The following DYRK4 variants were observed in gnomAD, a reference collection of about 807,000 sequenced individuals.
The protein encoded by DYRK4 is dual specificity tyrosine phosphorylation regulated kinase 4.
Under a neutral mutation model 68.3 loss-of-function variants are expected in DYRK4, and 64 were observed. The observed-to-expected ratio is 0.94, with a 90% CI of 0.77 to 1.15. The LOEUF (loss-of-function observed/expected upper bound fraction) is 1.15. DYRK4 is among the 50% of genes most tolerant of loss of function. The pLI, the probability that DYRK4 is intolerant of heterozygous loss-of-function variation, is 0.00. For missense variants in DYRK4, 740 were observed against 764.7 expected (o/e 0.97, Z 0.38); for synonymous variants, 274 against 289.9 (o/e 0.95, Z 0.56).
intron 12 of DYRK4, among the ~76,000 whole-genome samples, 170 bp downstream of exon 12, chr12:4,607,557 T>C (rs1299342536): frequency 6.6e-6 from 1 of 152,110 alleles, no homozygotes; most frequent in Non-Finnish European, 1.5e-5. Flanking sequence ...ATGTTGGAGA[T>C]GGGATGGGGG....
chr12:4,599,655 G>A, intron 9 of DYRK4, 52 bp from the exon 10 acceptor site: 1 of 1,412,094 alleles, frequency 7.1e-7, no homozygotes, highest in Non-Finnish European at 9.9e-7. Flanking sequence ...GGTAAGTAGA[G>A]GGCCTAGGGC....
chr12:4,570,466 A>G (rs1037151438), intron 2 of DYRK4, among the ~76,000 whole-genome samples: 1 of 152,206 alleles, frequency 6.6e-6, no homozygotes, highest in Non-Finnish European at 1.5e-5. Context: ...TAATAGGTTT[A>G]AGTAAGGAAA....
intron 7 of DYRK4, 115 bp from the exon 8 acceptor site, chr12:4,596,474 T>C: frequency 6.7e-7 from 1 of 1,502,458 alleles, no homozygotes; most frequent in African/African-American, 1.4e-5. Context: ...TAGTGCTTCC[T>C]GCCACTAGAC....
At chr12:4,577,219 A>G (rs1374548657) in intron 2 of DYRK4, among the ~76,000 whole-genome samples, 1 of 151,814 alleles carries the variant, frequency 6.6e-6, no homozygotes, top group Non-Finnish European at 1.5e-5. Flanking sequence ...TTTTTTGTGG[A>G]TGTCCAATTG....
rs547900063 is a variant in DYRK4, at chr12:4,610,285, G to A, written c.1490+1G>A. On this transcript the variant is annotated splice_donor_variant, in intron 13 of 14. Transcript: ENST00000543431. LOFTEE classifies it high-confidence loss of function. ...TGGACTTTCTCAGAAGGTGTTTGGT[G>A]TGAGTTTGTTGGGACATCTCTGCTT... 1.9e-6 allele frequency: 3 copies of A among 1,556,820 alleles called. No homozygotes were observed. The South Asian group carries it at 3.7e-5, about 19-fold the overall frequency.
chr12:4,589,633 T>A (rs1378549671), intron 3 of DYRK4, among the ~76,000 whole-genome samples: 1 of 152,260 alleles, frequency 6.6e-6, no homozygotes. Flanking sequence ...TCTAGTTCTA[T>A]CCATATTCTT....
chr12:4,602,980 T>C (rs911952870), intron 10 of DYRK4: 21 of 895,276 alleles, frequency 2.3e-5, no homozygotes, highest in Non-Finnish European at 3.5e-5. Context: ...TTCACTCCCT[T>C]TTATCATTCA....
Position 4,596,697 on chromosome 12 carries a change from C to T in DYRK4, c.873C>T (p.Arg291=), listed in dbSNP as rs1388621793. The T allele has an allele frequency of 6.2e-7, 1 of 1,614,186 alleles. No homozygotes were observed. The highest frequency in any genetic ancestry group is 1.3e-5 in the African/African-American group (1 of 75,054). Residue 291 remains arginine, a synonymous_variant, in exon 8 of 15, where the codon CGC becomes CGT. Coordinates refer to ENST00000543431, the MANE Select transcript of DYRK4 (RefSeq NM_001394779.1). ...VVHMKDFFYF[R]NHFCITFELL... is the part of the protein sequence containing the mutation. The stretch of plus-strand genomic sequence containing the variant: ...ATATGAAGGACTTTTTCTACTTTCG[C>T]AATCACTTCTGCATCACCTTTGAGC...
At chr12:4,563,057 G>A in intron 1 of DYRK4, 1 of 456,066 alleles carries the variant, frequency 2.2e-6, no homozygotes, top group South Asian at 1.5e-5. Context: ...CACTGTCCAG[G>A]CTTAAGTGGA....
intron 2 of DYRK4, among the ~76,000 whole-genome samples, chr12:4,586,635 G>A (rs866481931): frequency 5.9e-5 from 9 of 151,944 alleles, no homozygotes; most frequent in African/African-American, 2.2e-4. Flanking sequence ...GTACAAGTGT[G>A]CAGAGATGTA....
At chr12:4,563,302 G>GA (rs1194305052) in intron 1 of DYRK4, 1 of 379,358 alleles carries the variant, frequency 2.6e-6, no homozygotes, top group Non-Finnish European at 5.3e-6. Context: ...AGGTAAATCG[G>GA]AAGGGACTCT....
At chr12:4,581,413 A>C (rs1208225368) in intron 2 of DYRK4, among the ~76,000 whole-genome samples, 1 of 152,176 alleles carries the variant, frequency 6.6e-6, no homozygotes, top group Admixed American at 6.5e-5. Context: ...GTAGCAATTC[A>C]TTTATTTGGA....
At chr12:4,578,190 G>A (rs1458047280) in intron 2 of DYRK4, among the ~76,000 whole-genome samples, 2 of 152,026 alleles carry the variant, frequency 1.3e-5, no homozygotes. Context: ...AATACTTCTA[G>A]CCATTTTGTC....
intron 12 of DYRK4, among the ~76,000 whole-genome samples, chr12:4,609,258 C>T (rs946456409): frequency 6.6e-6 from 1 of 152,174 alleles, no homozygotes; most frequent in African/African-American, 2.4e-5. Flanking sequence ...CAGTGTTTTC[C>T]AAACTCTATC....
chr12:4,564,729 T>G (rs1203469270), intron 1 of DYRK4, among the ~76,000 whole-genome samples: 1 of 152,234 alleles, frequency 6.6e-6, no homozygotes, highest in African/African-American at 2.4e-5. Context: ...CTGGAATTTT[T>G]TGATGAATTA....
rs201060830 is a variant in DYRK4 at position 4,604,925 on chromosome 12, A to T, written c.1138A>T (p.Ile380Phe). The change falls in exon 11 of 15, where the codon ATC (isoleucine) becomes TTC (phenylalanine). Residue 380 changes from isoleucine to phenylalanine, a missense_variant. By Grantham distance (21) the Ile-to-Phe change is conservative (BLOSUM62 0). This residue lies in a region of DYRK4 where 614 missense variants were observed against 603.7 expected (regional missense o/e 1.02). Transcript: ENST00000543431. ...CYEHQKVYTY[I>F]QSRFYRSPEV... The stretch of plus-strand genomic sequence containing the variant: ...CTTTGCCTCCGCAGTATACACGTAC[A>T]TCCAAAGCCGGTTCTACCGATCCCC... The T allele has an allele frequency of 1.8e-5, 29 of 1,609,012 alleles. No individual in the cohort carries two copies. In the East Asian group the frequency reaches 5.6e-4, roughly 31 times the overall value.
intron 2 of DYRK4, among the ~76,000 whole-genome samples, chr12:4,583,555 C>T (rs1038905154): frequency 1.3e-5 from 2 of 151,856 alleles, no homozygotes; most frequent in Non-Finnish European, 2.9e-5. Flanking sequence ...CCACCACGCC[C>T]GACTAATTTT....
chr12:4,562,240 G>C lies in DYRK4; in HGVS notation c.-6G>C, dbSNP rs922208677. The C allele has an allele frequency of 2.4e-5, 36 of 1,529,364 alleles. No individual in the cohort carries two copies. Among genetic ancestry groups the C allele is most frequent in the East Asian group, 5.0e-5 (2 of 40,232 alleles). 94.7% of individuals were successfully genotyped at this position (1,529,364 alleles called of 1,614,324 possible). A position where few individuals can be genotyped will look rare whatever the true frequency, so the allele number is the denominator to read the frequency against. On this transcript the variant is annotated 5_prime_UTR_variant, in exon 1 of 15. Transcript: ENST00000543431. Reference sequence around the variant, plus strand: ...CCCGCAGCGGCGGGCGGTCAGCGCCGGCCTCATGCAGCTCCTCCCGCCGCC... The same window carrying C: ...CCCGCAGCGGCGGGCGGTCAGCGCCCGCCTCATGCAGCTCCTCCCGCCGCC...
At chr12:4,586,794 ATGGG>A (rs751779970) in intron 2 of DYRK4, among the ~76,000 whole-genome samples, 46 of 152,068 alleles carry the variant, frequency 3.0e-4, no homozygotes, top group Admixed American at 9.2e-4. Context: ...TTTCCTGTTC[ATGGG>A]AAATGAGCAA....
Sources: gnomAD v4.1 joint callset for allele counts (sites outside exome capture counted in the v4.1 genomes callset) on GRCh38, gnomAD v4.1.1 for gene constraint, gnomAD v4.1.1 regional missense constraint, MANE v1.5 for transcripts, NCBI Gene and HGNC (gene_info 2026-07-23, HGNC 2026-07-21) for gene names.